The following LARGE1 variants were observed in gnomAD, a reference collection of about 807,000 sequenced individuals.
The protein encoded by LARGE1 is xylosyl- and glucuronyltransferase LARGE1.
In LARGE1, 43 loss-of-function variants were observed where a neutral mutation model predicts 87.6. The ratio of observed to expected loss-of-function variants is 0.49; its 90% CI spans 0.38 to 0.63. The LOEUF (loss-of-function observed/expected upper bound fraction) is 0.63, where lower values mean the gene tolerates loss of function less well. Among genes scored for constraint, LARGE1 ranks in the 30% least tolerant of loss-of-function variants. LARGE1 has a pLI of 0.00. For synonymous variants in LARGE1, 434 were observed against 394.6 expected (o/e 1.10, Z -1.18); for missense variants, 802 against 1,000.2 (o/e 0.80, Z 2.67).
intron 1 of LARGE1, among the ~76,000 whole-genome samples, chr22:33,887,677 T>C (rs5754746): frequency 0.48 from 73,003 of 151,392 alleles, 18,733 homozygotes; most frequent in East Asian, 0.99. Flanking sequence ...GTGGAGGTTG[T>C]GGTGAGTTGA....
chr22:33,311,591 G>A (rs184340220), intron 11 of LARGE1, among the ~76,000 whole-genome samples: 234 of 152,244 alleles, frequency 1.5e-3, no homozygotes, highest in African/African-American at 5.4e-3. Flanking sequence ...TCACCATCTC[G>A]TAGATGAGTC....
intron 6 of LARGE1, among the ~76,000 whole-genome samples, chr22:33,494,454 AAC>A (rs753118813): frequency 6.6e-6 from 1 of 152,270 alleles, no homozygotes; most frequent in African/African-American, 2.4e-5. Flanking sequence ...TACGGTGTTT[AAC>A]ACAGTTAGTG....
intron 1 of LARGE1, among the ~76,000 whole-genome samples, chr22:33,864,366 G>A (rs1350949365): frequency 1.3e-5 from 2 of 152,144 alleles, no homozygotes; most frequent in Non-Finnish European, 2.9e-5. Flanking sequence ...ATAGCCCAAA[G>A]CACAATACAG....
At position 33,762,306 on chromosome 22, in the gene LARGE1, T is replaced by C. The variant is rs746337917; in HGVS notation, c.-82-748A>G. 4.1e-4 allele frequency among the ~76,000 whole-genome samples: 59 copies of C among 144,886 alleles called. 1 individual carries two copies. Among genetic ancestry groups the C allele is most frequent in the Non-Finnish European group, 1.4e-4 (9 of 66,614 alleles). On this transcript the variant is annotated intron_variant, in intron 1 of 14. Transcript: ENST00000397394. ...GAAAGAGACCAACAGAAAAGATCTA[T>C]AACAACCCCAAGCTGAGATGTGCAT... is the stretch of plus-strand genomic sequence containing the variant.
chr22:33,535,093 G>A (rs145414471), intron 6 of LARGE1, among the ~76,000 whole-genome samples: 7 of 152,354 alleles, frequency 4.6e-5, no homozygotes, highest in African/African-American at 1.7e-4. Flanking sequence ...CAAGCCTTCT[G>A]ACTTCTGAGT....
chr22:33,325,916 G>C (rs1937200956), intron 10 of LARGE1, among the ~76,000 whole-genome samples: 1 of 152,312 alleles, frequency 6.6e-6, no homozygotes, highest in African/African-American at 2.4e-5. Flanking sequence ...GAGGGCCCAA[G>C]GTGCTCAGAG....
chr22:33,620,223 C>G (rs764954262), intron 4 of LARGE1, among the ~76,000 whole-genome samples: 12 of 152,196 alleles, frequency 7.9e-5, no homozygotes, highest in Non-Finnish European at 1.5e-4. Context: ...GCAAATAACC[C>G]AGCTTCATCC....
downstream of LARGE1, among the ~76,000 whole-genome samples, chr22:33,269,274 C>G (rs776149062): frequency 3.3e-5 from 5 of 152,160 alleles, no homozygotes; most frequent in Non-Finnish European, 5.9e-5. Context: ...TTCAAACTTA[C>G]AGTTTCAAAA....
At chr22:33,555,382 A>T (rs917479441) in intron 6 of LARGE1, among the ~76,000 whole-genome samples, 1 of 152,092 alleles carries the variant, frequency 6.6e-6, no homozygotes, top group Non-Finnish European at 1.5e-5. Flanking sequence ...TTAGATATTC[A>T]TTAGAAGGTG....
chr22:33,495,666 C>A (rs1441801539), intron 6 of LARGE1, among the ~76,000 whole-genome samples: 1 of 152,140 alleles, frequency 6.6e-6, no homozygotes, highest in African/African-American at 2.4e-5. Flanking sequence ...TTGCAGTGAG[C>A]CGAGATCACA....
intron 1 of LARGE1, among the ~76,000 whole-genome samples, chr22:33,821,162 G>C (rs1281392093): frequency 2.0e-5 from 3 of 152,206 alleles, no homozygotes; most frequent in Non-Finnish European, 4.4e-5. Context: ...GGCAGATGTT[G>C]TGACAAAGGC....
At chr22:33,462,890 T>C (rs1601948770) in intron 6 of LARGE1, among the ~76,000 whole-genome samples, 1 of 151,506 alleles carries the variant, frequency 6.6e-6, no homozygotes, top group Admixed American at 6.6e-5. Flanking sequence ...ATAACAAGCA[T>C]GTAACTCAGA....
chr22:33,597,278 G>GAAAA (rs3072280), intron 5 of LARGE1, among the ~76,000 whole-genome samples: 1 of 129,322 alleles, frequency 7.7e-6, no homozygotes, highest in Non-Finnish European at 1.6e-5. Flanking sequence ...CCTAATTCAT[G>GAAAA]AAAAAAAAAA....
At chr22:33,201,074 C>T (rs1319320491) in intron 11 of LARGE1, among the ~76,000 whole-genome samples, 4 of 152,006 alleles carry the variant, frequency 2.6e-5, no homozygotes, top group Non-Finnish European at 5.9e-5. Flanking sequence ...TTTGGGAGGC[C>T]GAGGCTGGGG....
intron 5 of LARGE1, among the ~76,000 whole-genome samples, chr22:33,574,445 T>C (rs899586455): frequency 2.6e-5 from 4 of 152,198 alleles, no homozygotes; most frequent in African/African-American, 7.2e-5. Context: ...TCAATATAGA[T>C]GCAACCATCT....
chr22:33,696,946 C>A (rs1195342955), intron 2 of LARGE1, among the ~76,000 whole-genome samples: 1 of 152,132 alleles, frequency 6.6e-6, no homozygotes, highest in Non-Finnish European at 1.5e-5. Flanking sequence ...TTTATCCTCT[C>A]TCATTTACAA....
intron 6 of LARGE1, among the ~76,000 whole-genome samples, chr22:33,564,605 T>G (rs1431188355): frequency 6.6e-6 from 1 of 152,220 alleles, no homozygotes; most frequent in Non-Finnish European, 1.5e-5. Context: ...AATACACACA[T>G]TTGATATTTA....
chr22:33,069,307 G>A, the LARGE1 span, among the ~76,000 whole-genome samples: 4 of 152,158 alleles, frequency 2.6e-5, no homozygotes, highest in South Asian at 2.1e-4. Flanking sequence ...AGCTCAGCCC[G>A]TTACTACTTA....
intron 11 of LARGE1, among the ~76,000 whole-genome samples, chr22:33,184,351 C>A (rs1340349023): frequency 6.7e-6 from 1 of 149,898 alleles, no homozygotes; most frequent in South Asian, 2.1e-4. Context: ...AAACAACAGT[C>A]AAAGAAGAAA....
Sources: allele counts gnomAD v4.1 joint callset (sites outside exome capture counted in the v4.1 genomes callset), GRCh38; gene constraint gnomAD v4.1.1; transcripts MANE v1.5; gene names NCBI Gene and HGNC (gene_info 2026-07-23, HGNC 2026-07-21).